The following CDH13 variants were observed in gnomAD, a reference collection of about 807,000 sequenced individuals.
The protein encoded by CDH13 is cadherin 13.
In CDH13, 24 loss-of-function variants were observed where a neutral mutation model predicts 63.8. That is an observed-to-expected ratio of 0.38 (90% CI 0.27 to 0.53). CDH13 has a LOEUF of 0.53. Ranked by LOEUF, CDH13 falls within the 20% of genes least tolerant of loss-of-function variation. The pLI is 0.85. For missense variants in CDH13, 1,049 were observed against 903.1 expected (o/e 1.16, Z -2.07); for synonymous variants, 503 against 355.3 (o/e 1.42, Z -4.67).
At chr16:83,195,604 C>A (rs1245476469) in intron 4 of CDH13, among the ~76,000 whole-genome samples, 1 of 152,044 alleles carries the variant, frequency 6.6e-6, no homozygotes, top group Non-Finnish European at 1.5e-5. Flanking sequence ...AATGAGGAAA[C>A]CCCCCGCCGT....
intron 3 of CDH13, among the ~76,000 whole-genome samples, chr16:83,076,218 T>C (rs2032825843): frequency 6.6e-6 from 1 of 152,206 alleles, no homozygotes; most frequent in Admixed American, 6.6e-5. Context: ...CTTTTGAGCA[T>C]TGTTTGATAA....
chr16:82,847,276 A>G (rs1253154517), intron 1 of CDH13, among the ~76,000 whole-genome samples: 1 of 152,246 alleles, frequency 6.6e-6, no homozygotes, highest in East Asian at 1.9e-4. Flanking sequence ...AGTATTGTAC[A>G]GTTTTGAATG....
intron 2 of CDH13, among the ~76,000 whole-genome samples, chr16:83,022,527 C>T (rs1017542488): frequency 5.9e-5 from 9 of 152,222 alleles, no homozygotes; most frequent in East Asian, 1.9e-4. Flanking sequence ...CCACAGAAAT[C>T]GGCAGATGCT....
At chr16:83,305,499 G>A (rs2089853597) in intron 5 of CDH13, among the ~76,000 whole-genome samples, 1 of 152,196 alleles carries the variant, frequency 6.6e-6, no homozygotes, top group Non-Finnish European at 1.5e-5. Flanking sequence ...GGCACTTTTG[G>A]AGGGTTTTGT....
At chr16:82,792,880 T>G (rs149753954) in intron 1 of CDH13, among the ~76,000 whole-genome samples, 1 of 152,244 alleles carries the variant, frequency 6.6e-6, no homozygotes, top group East Asian at 1.9e-4. Context: ...TGTAAGAAAG[T>G]CCACATGAAA....
chr16:83,134,967 T>C (rs956008279), intron 4 of CDH13, among the ~76,000 whole-genome samples: 4 of 152,218 alleles, frequency 2.6e-5, no homozygotes, highest in African/African-American at 9.6e-5. Flanking sequence ...TTTATTGTTA[T>C]TATGAACATC....
At chr16:83,543,757 C>A (rs1438377691) in intron 7 of CDH13, among the ~76,000 whole-genome samples, 2 of 152,148 alleles carry the variant, frequency 1.3e-5, no homozygotes, top group East Asian at 1.9e-4. Flanking sequence ...TGGACAGTGG[C>A]CAGGGGTGCT....
intron 1 of CDH13, among the ~76,000 whole-genome samples, chr16:82,749,308 A>ATGAGT (rs1308805270): frequency 6.6e-6 from 1 of 152,168 alleles, no homozygotes; most frequent in East Asian, 1.9e-4. Context: ...TATCTGTTTA[A>ATGAGT]TGAGTTTGTT....
intron 1 of CDH13, among the ~76,000 whole-genome samples, chr16:82,681,903 T>C (rs1425387701): frequency 1.3e-5 from 2 of 152,184 alleles, no homozygotes; most frequent in African/African-American, 4.8e-5. Flanking sequence ...CCCAGCCCGG[T>C]TGAGCTCCAG....
At chr16:83,042,120 C>G (rs972155689) in intron 3 of CDH13, among the ~76,000 whole-genome samples, 1 of 152,218 alleles carries the variant, frequency 6.6e-6, no homozygotes, top group Non-Finnish European at 1.5e-5. Context: ...ACCCGACACG[C>G]TGCAGACATG....
At chr16:83,579,538 T>C (rs1281279983) in intron 7 of CDH13, among the ~76,000 whole-genome samples, 1 of 152,010 alleles carries the variant, frequency 6.6e-6, no homozygotes, top group Non-Finnish European at 1.5e-5. Flanking sequence ...CTCACTATCA[T>C]GAGACCAGCA....
chr16:83,337,758 G>C (rs1173859407), intron 5 of CDH13, among the ~76,000 whole-genome samples: 3 of 147,422 alleles, frequency 2.0e-5, no homozygotes, highest in Non-Finnish European at 4.4e-5. Flanking sequence ...ATAATATACA[G>C]ACGCTCATTG....
At chr16:83,363,066 A>G (rs1430024336) in intron 6 of CDH13, among the ~76,000 whole-genome samples, 1 of 152,218 alleles carries the variant, frequency 6.6e-6, no homozygotes, top group Non-Finnish European at 1.5e-5. Flanking sequence ...CATCACCAGG[A>G]GGAAATTTTC....
At chr16:83,522,007 A>T (rs944747093) in intron 7 of CDH13, among the ~76,000 whole-genome samples, 2 of 152,176 alleles carry the variant, frequency 1.3e-5, no homozygotes, top group Non-Finnish European at 2.9e-5. Context: ...GGATGGAGAG[A>T]TGAATCCATC....
intron 3 of CDH13, among the ~76,000 whole-genome samples, chr16:83,077,781 G>GT (rs2032953945): frequency 6.6e-6 from 1 of 152,166 alleles, no homozygotes; most frequent in South Asian, 2.1e-4. Context: ...TATCAGAAGT[G>GT]TTCACTTATT....
At chr16:83,052,776 C>CAAAAAAAAA (rs71148805) in intron 3 of CDH13, among the ~76,000 whole-genome samples, 9 of 92,918 alleles carry the variant, frequency 9.7e-5, no homozygotes, top group Admixed American at 2.3e-4. Flanking sequence ...GACTTTATCT[C>CAAAAAAAAA]AAAAAAAAAA....
rs185633057 is a variant in CDH13, at chr16:83,047,941, A to G, written c.366+15723A>G. ...CAGCACAGGGTCATACATCTAGAAT[A>G]TTTTGGAGACATATTTTTGCACTCA... On this transcript the variant is annotated intron_variant, in intron 3 of 13. Coordinates refer to ENST00000567109, the MANE Select transcript of CDH13 (RefSeq NM_001257.5). This position sits in a 1 kb window ranked among gnomAD's most constrained non-coding sequence, Gnocchi z 4.9. Among the ~76,000 whole-genome samples, 64 of 152,324 alleles carry G rather than the reference A, an allele frequency of 4.2e-4. No homozygotes were observed. The highest frequency in any genetic ancestry group is 1.4e-3 in the African/African-American group (58 of 41,568).
At chr16:83,748,865 C>T (rs901025325) in intron 11 of CDH13, among the ~76,000 whole-genome samples, 1 of 152,190 alleles carries the variant, frequency 6.6e-6, no homozygotes, top group African/African-American at 2.4e-5. Context: ...TTCAAAGTGC[C>T]ACGATTGTTC....
chr16:83,167,062 C>T (rs1214494830), intron 4 of CDH13, among the ~76,000 whole-genome samples: 6 of 152,022 alleles, frequency 3.9e-5, no homozygotes, highest in Non-Finnish European at 7.4e-5. Context: ...TAAGAAAACA[C>T]GGCAGATTTC....
Sources: allele counts gnomAD v4.1 joint callset (sites outside exome capture counted in the v4.1 genomes callset), GRCh38; gene constraint gnomAD v4.1.1; non-coding constraint Gnocchi (gnomAD v3.1); transcripts MANE v1.5; gene names NCBI Gene and HGNC (gene_info 2026-07-23, HGNC 2026-07-21).